The following AGPAT2 variants were observed in gnomAD, a reference collection of about 807,000 sequenced individuals.
The protein encoded by AGPAT2 is 1-acylglycerol-3-phosphate O-acyltransferase 2, also known as 1-acyl-sn-glycerol-3-phosphate acyltransferase beta.
In AGPAT2, 18 loss-of-function variants were observed where a neutral mutation model predicts 26.1. The observed-to-expected ratio is 0.69, with a 90% CI of 0.48 to 1.02. The LOEUF (loss-of-function observed/expected upper bound fraction) is 1.02. AGPAT2 is among the 50% of genes least tolerant of loss of function. AGPAT2 has a pLI of 0.00. For synonymous variants in AGPAT2, 200 were observed against 174.2 expected, an observed-to-expected ratio of 1.15 and a Z score of -1.16; for missense variants, 415 against 394.9, an observed-to-expected ratio of 1.05 and a Z score of -0.43.
rs967251599 is a variant in AGPAT2 at position 136,673,529 on chromosome 9, T to A, written c.*223A>T. On this transcript the variant is annotated 3_prime_UTR_variant, in exon 6 of 6. Transcript: ENST00000371696. ...CAGAGGTGCCGTGGGCGCGAGTCCC[T>A]GCCCTCGAGCCCGGGGAGGGTCCAG... 35 of 424,710 alleles carry A rather than the reference T, an allele frequency of 8.2e-5. No homozygotes were observed. Among genetic ancestry groups the A allele is most frequent in the Non-Finnish European group, 1.2e-4 (30 of 243,642 alleles). The allele number at this position is 424,710 out of a possible 1,614,324, so 26.3% of individuals were successfully genotyped here.
At position 136,673,437 on chromosome 9, in the gene AGPAT2, G is replaced by A. The variant is rs951113943; in HGVS notation, c.*315C>T. 13 of 262,752 alleles carry A rather than the reference G, an allele frequency of 4.9e-5. No individual in the cohort carries two copies. Among genetic ancestry groups the A allele is most frequent in the East Asian group, 3.4e-4 (5 of 14,568 alleles). The allele number at this position is 262,752 out of a possible 1,614,324, so 16.3% of individuals were successfully genotyped here. A position where few individuals can be genotyped will look rare whatever the true frequency, so the allele number is the denominator to read the frequency against. On this transcript the variant is annotated 3_prime_UTR_variant, in exon 6 of 6. Transcript: ENST00000371696. Reference sequence around the variant, plus strand: ...TCCTCCCATCTGCTCCTGGGCCATCGGGGGCCTTGTGGCTCAGCCCACCAG... The same window carrying A: ...TCCTCCCATCTGCTCCTGGGCCATCAGGGGCCTTGTGGCTCAGCCCACCAG...
chr9:136,677,527 T>C lies in AGPAT2; in HGVS notation c.212A>G (p.Lys71Arg), dbSNP rs1214311068. Residue 71 changes from lysine (K) to arginine (R), a missense_variant, in exon 2 of 6, where the codon AAG becomes AGG. Transcript: ENST00000371696. ...SIIGWFVRSF[K>R]YFYGLRFEVR... ...CTCGAAGCGGAGCCCGTAAAAGTAC[T>C]TGAAGCTTCGCACGAACCAGCCGAT... is the stretch of plus-strand genomic sequence containing the variant. 1 of 1,612,896 alleles carries C rather than the reference T, an allele frequency of 6.2e-7. No homozygotes were observed. Among genetic ancestry groups the C allele is most frequent in the Non-Finnish European group, 8.5e-7 (1 of 1,179,932 alleles).
At position 136,673,923 on chromosome 9, in the gene AGPAT2, T is replaced by A; in HGVS notation, c.666A>T (p.Thr222=). The A allele has an allele frequency of 6.4e-7, 1 of 1,569,204 alleles. No homozygotes were observed. The highest frequency in any genetic ancestry group is 8.7e-7 in the Non-Finnish European group (1 of 1,155,950). ...NTKKKFFTSG[T]VTVQVLEAIP... ...TGGCTTCCAGCACCTGCACTGTGAC[T>A]GTTCCTGTGGGGGAAGCAACAGACC... The change falls in exon 6 of 6, where the codon ACA becomes ACT. Residue 222 remains threonine, a synonymous_variant. Coordinates refer to ENST00000371696, the MANE Select transcript of AGPAT2 (RefSeq NM_006412.4).
chr9:136,687,167 C>T lies in AGPAT2; in HGVS notation c.182+9G>A, dbSNP rs775924025. 1.9e-6 allele frequency: 3 copies of T among 1,582,042 alleles called. No homozygotes were observed. Among genetic ancestry groups the T allele is most frequent in the East Asian group, 2.4e-5 (1 of 42,032 alleles). On this transcript the variant is annotated intron_variant, in intron 1 of 5. Coordinates refer to ENST00000371696, the MANE Select transcript of AGPAT2 (RefSeq NM_006412.4). ...TTCCCCGGCCCCTCCCGGCGGCCCCCGGCCTTGCCTCATGTTCTCCACCGT... is the reference window on the plus strand; with the variant it reads ...TTCCCCGGCCCCTCCCGGCGGCCCCTGGCCTTGCCTCATGTTCTCCACCGT...
chr9:136,674,717 G>T lies in AGPAT2; in HGVS notation c.661+18C>A, dbSNP rs771663737. 9.0e-6 allele frequency: 13 copies of T among 1,437,636 alleles called. No individual in the cohort carries two copies. The highest frequency in any genetic ancestry group is 1.2e-5 in the Non-Finnish European group (13 of 1,085,618). The allele number at this position is 1,437,636 out of a possible 1,614,324, so 89.1% of individuals were successfully genotyped here. A position where few individuals can be genotyped will look rare whatever the true frequency, so the allele number is the denominator to read the frequency against. ...GTCAGGCGGGGCCTACACCCCGGGT[G>T]CACACATGTGGGGGTACCTGAAGTG... On this transcript the variant is annotated intron_variant, in intron 5 of 5. Coordinates refer to ENST00000371696, the MANE Select transcript of AGPAT2 (RefSeq NM_006412.4).
intron 1 of AGPAT2, among the ~76,000 whole-genome samples, chr9:136,684,477 T>G (rs930600914): frequency 3.3e-5 from 5 of 152,218 alleles, no homozygotes; most frequent in African/African-American, 7.2e-5. Context: ...TCAGAGGTTC[T>G]AGTCCCATCA....
chr9:136,686,670 C>A (rs1588269766), intron 1 of AGPAT2, among the ~76,000 whole-genome samples: 1 of 152,312 alleles, frequency 6.6e-6, no homozygotes, highest in South Asian at 2.1e-4. Context: ...GGGGAACCCG[C>A]CCCACAGGTG....
chr9:136,682,766 G>A (rs1252825230), intron 1 of AGPAT2, among the ~76,000 whole-genome samples: 5 of 152,192 alleles, frequency 3.3e-5, no homozygotes, highest in Non-Finnish European at 7.4e-5. Flanking sequence ...GGAGTCCACT[G>A]GCCTCGAGCG....
In AGPAT2 at chr9:136,673,552, C is replaced by T; in HGVS notation, c.*200G>A. 2.0e-6 allele frequency: 1 copy of T among 510,022 alleles called. No individual in the cohort carries two copies. Among genetic ancestry groups the T allele is most frequent in the Non-Finnish European group, 3.2e-6 (1 of 312,142 alleles). The allele number at this position is 510,022 out of a possible 1,614,324, so 31.6% of individuals were successfully genotyped here. A position where few individuals can be genotyped will look rare whatever the true frequency, so the allele number is the denominator to read the frequency against. Reference sequence around the variant, plus strand: ...CCTGCCCTCGAGCCCGGGGAGGGTCCAGCTGAGCCCCCTGCAGGGGACACC... The same window carrying T: ...CCTGCCCTCGAGCCCGGGGAGGGTCTAGCTGAGCCCCCTGCAGGGGACACC... On this transcript the variant is annotated 3_prime_UTR_variant, in exon 6 of 6. Coordinates refer to ENST00000371696, the MANE Select transcript of AGPAT2 (RefSeq NM_006412.4).
In AGPAT2 at chr9:136,676,693, G is replaced by A. The variant is rs767133400; in HGVS notation, c.493-13C>T. On this transcript the variant is annotated splice_polypyrimidine_tract_variant and intron_variant, in intron 3 of 5. Transcript: ENST00000371696. The stretch of plus-strand genomic sequence containing the variant: ...TCCACACTTTGAGCTGCAGGGAGAG[G>A]AGAGCCTGGACTGACCTCACGCCCA... 1.2e-6 allele frequency: 2 copies of A among 1,612,158 alleles called. No homozygotes were observed.
rs373170805 is a variant in AGPAT2, at chr9:136,683,077, G to C, written c.182+4099C>G. 2.1e-5 allele frequency among the ~76,000 whole-genome samples: 3 copies of C among 140,960 alleles called. No homozygotes were observed. In the East Asian group the frequency reaches 7.5e-4, roughly 35 times the overall value. 92.5% of individuals were successfully genotyped at this position (140,960 alleles called of 152,430 possible). ...GGGATGACTAGGGGGTGGGGGGGAGGGGGGGAAGAATCCAAAATGGGTGGG... is the reference window on the plus strand; with the variant it reads ...GGGATGACTAGGGGGTGGGGGGGAGCGGGGGAAGAATCCAAAATGGGTGGG... On this transcript the variant is annotated intron_variant, in intron 1 of 5. Coordinates refer to ENST00000371696, the MANE Select transcript of AGPAT2 (RefSeq NM_006412.4).
intron 5 of AGPAT2, among the ~76,000 whole-genome samples, 161 bp from the exon 6 acceptor site, chr9:136,674,088 A>G (rs1846054037): frequency 1.3e-5 from 2 of 152,112 alleles, no homozygotes; most frequent in Admixed American, 1.3e-4. Flanking sequence ...GGTTATTTTA[A>G]TTGCAGTAAC....
At chr9:136,677,587 C>T in intron 1 of AGPAT2, 31 bp from the exon 2 acceptor site, 1 of 1,612,644 alleles carries the variant, frequency 6.2e-7, no homozygotes, top group Non-Finnish European at 8.5e-7. Flanking sequence ...AACACGGGTC[C>T]CACAGATCCC....
rs760587785 is a variant in AGPAT2 at position 136,677,117 on chromosome 9, C to T, written c.336G>A (p.Pro112=). 8.1e-6 allele frequency: 13 copies of T among 1,612,938 alleles called. No individual in the cohort carries two copies. Among genetic ancestry groups the T allele is most frequent in the Admixed American group, 5.0e-5 (3 of 60,006 alleles). The change falls in exon 3 of 6, where the codon CCG becomes CCA. Residue 112 remains proline, a synonymous_variant. Transcript: ENST00000371696. The part of the protein sequence containing the change: ...LDMMGLMEVL[P]ERCVQIAKRE... ...GCTTGGCGATCTGCACGCAGCGCTC[C>T]GGAAGGACCTCCATGAGGCCTGGGA...
In AGPAT2 at chr9:136,677,263, G is replaced by A. The variant is rs1164580180; in HGVS notation, c.317-127C>T. ...CCTGGCTACCTGGACGGGTCGTGTG[G>A]CCTCCGAGCCTCTGTGTCTGGCCCT... On this transcript the variant is annotated intron_variant, in intron 2 of 5. Transcript: ENST00000371696. The A allele has an allele frequency of 5.4e-6, 8 of 1,483,830 alleles. No individual in the cohort carries two copies. In the East Asian group the frequency reaches 9.8e-5, roughly 18 times the overall value. The allele number at this position is 1,483,830 out of a possible 1,614,324, so 91.9% of individuals were successfully genotyped here.
At chr9:136,683,033 A>G (rs1331958478) in intron 1 of AGPAT2, among the ~76,000 whole-genome samples, 2 of 127,022 alleles carry the variant, frequency 1.6e-5, no homozygotes, top group Non-Finnish European at 3.2e-5. Flanking sequence ...CAGGACCTCC[A>G]CCAACAGTGG....
At chr9:136,687,149 GC>G in intron 1 of AGPAT2, 26 bp downstream of exon 1, 1 of 1,569,534 alleles carries the variant, frequency 6.4e-7, no homozygotes, top group East Asian at 2.4e-5. Context: ...CGGTTCCCCG[GC>G]CCCTCCCGGC....
rs534706099 is a variant in AGPAT2 at position 136,677,498 on chromosome 9, G to C, written c.241C>G (p.Arg81Gly). 6.2e-7 allele frequency: 1 copy of C among 1,613,030 alleles called. No homozygotes were observed. The change falls in exon 2 of 6, where the codon CGG (arginine) becomes GGG (glycine). Residue 81 changes from arginine to glycine, a missense_variant. Arg to Gly is a moderately radical substitution (Grantham distance 125, BLOSUM62 -2). Transcript: ENST00000371696. ...GCCTCCTGCAGCCTGCGCGGGTCCC[G>C]CACCTCGAAGCGGAGCCCGTAAAAG... Reference protein sequence around the residue: ...KYFYGLRFEVRDPRRLQEARP... With the variant: ...KYFYGLRFEVGDPRRLQEARP...
rs990017828 is a variant in AGPAT2 at position 136,673,392 on chromosome 9, G to A, written c.*360C>T. On this transcript the variant is annotated 3_prime_UTR_variant, in exon 6 of 6. Coordinates refer to ENST00000371696, the MANE Select transcript of AGPAT2 (RefSeq NM_006412.4). ...GGCGGCTGAGCAGAGGGCTCGGACA[G>A]TGTGCGTCTGGCCTCGGGGTCCTCC... 1 of 192,440 alleles carries A rather than the reference G, an allele frequency of 5.2e-6. No individual in the cohort carries two copies. The highest frequency in any genetic ancestry group is 2.3e-5 in the African/African-American group (1 of 43,142). The allele number at this position is 192,440 out of a possible 1,614,324, so 11.9% of individuals were successfully genotyped here. A position where few individuals can be genotyped will look rare whatever the true frequency, so the allele number is the denominator to read the frequency against.
Sources: gnomAD v4.1 joint callset for allele counts (sites outside exome capture counted in the v4.1 genomes callset) on GRCh38, gnomAD v4.1.1 for gene constraint, MANE v1.5 for transcripts, NCBI Gene and HGNC (gene_info 2026-07-23, HGNC 2026-07-21) for gene names.